The following PPP1R2 variants were observed in gnomAD, a reference collection of about 807,000 sequenced individuals.
PPP1R2 encodes protein phosphatase 1 regulatory inhibitor subunit 2.
PPP1R2 carries 16 observed loss-of-function variants against 29.9 expected under a neutral mutation model. That is an observed-to-expected ratio of 0.53 (90% confidence interval 0.36 to 0.81). The LOEUF (loss-of-function observed/expected upper bound fraction) is 0.81. Among genes scored for constraint, PPP1R2 ranks in the 30% least tolerant of loss-of-function variants. The pLI, the probability that PPP1R2 is intolerant of heterozygous loss-of-function variation, is 0.00. For missense variants in PPP1R2, 197 were observed against 252.7 expected (o/e 0.78, Z 1.49); for synonymous variants, 76 against 91.5 (o/e 0.83, Z 0.96).
chr3:195,518,026 C>A (rs1281794072), intron 5 of PPP1R2, among the ~76,000 whole-genome samples: 1 of 152,066 alleles, frequency 6.6e-6, no homozygotes, highest in Non-Finnish European at 1.5e-5. Flanking sequence ...ATTCTGGGCA[C>A]CACAAATAAC....
intron 1 of PPP1R2, among the ~76,000 whole-genome samples, chr3:195,537,216 T>C (rs1719423245): frequency 7.8e-6 from 1 of 127,528 alleles, no homozygotes; most frequent in Non-Finnish European, 1.7e-5. Flanking sequence ...CTTGTGTTTT[T>C]TTACCTTCTT....
chr3:195,515,036 A>G lies in PPP1R2; in HGVS notation c.*1860T>C. ...AAAAAAAAAAAAAGAGTATGTGGGT[A>G]CTTTCTAAGAACTCAGAAACAAGAA... On this transcript the variant is annotated 3_prime_UTR_variant, in exon 6 of 6. Transcript: ENST00000618156. 3.6e-6 allele frequency: 1 copy of G among 276,400 alleles called. No homozygotes were observed. The highest frequency in any genetic ancestry group is 4.2e-5 in the South Asian group (1 of 23,828). 17.1% of individuals were successfully genotyped at this position (276,400 alleles called of 1,614,324 possible). A position where few individuals can be genotyped will look rare whatever the true frequency, so the allele number is the denominator to read the frequency against.
Position 195,516,068 on chromosome 3 carries a change from AAGG to A in PPP1R2, c.*825_*827del, listed in dbSNP as rs1228228311. The A allele has an allele frequency of 6.6e-6, 1 of 152,320 alleles. No individual in the cohort carries two copies. Among genetic ancestry groups the A allele is most frequent in the Non-Finnish European group, 1.5e-5 (1 of 67,986 alleles). 9.4% of individuals were successfully genotyped at this position (152,320 alleles called of 1,614,324 possible). On this transcript the variant is annotated 3_prime_UTR_variant, in exon 6 of 6. Coordinates refer to ENST00000618156, the MANE Select transcript of PPP1R2 (RefSeq NM_006241.8). ...AGAAGATTGTGTGCGTATGTGTGGA[AAGG>A]AGTAGGAAAGAAAAGCAGGAGGTTA... is the stretch of plus-strand genomic sequence containing the variant.
intron 4 of PPP1R2, among the ~76,000 whole-genome samples, chr3:195,523,387 G>A (rs1718841915): frequency 6.6e-6 from 1 of 152,182 alleles, no homozygotes; most frequent in South Asian, 2.1e-4. Context: ...AACGCTCAAT[G>A]ACTTGAAATG....
intron 4 of PPP1R2, among the ~76,000 whole-genome samples, chr3:195,522,867 T>G (rs969241439): frequency 6.6e-6 from 1 of 152,218 alleles, no homozygotes; most frequent in African/African-American, 2.4e-5. Flanking sequence ...ACACTTCAAG[T>G]AGGTTTCTAC....
intron 5 of PPP1R2, among the ~76,000 whole-genome samples, 168 bp downstream of exon 5, chr3:195,518,850 A>G (rs976068939): frequency 1.3e-5 from 2 of 152,230 alleles, no homozygotes; most frequent in Non-Finnish European, 2.9e-5. Context: ...TAAAAACTTT[A>G]TTATTCTGAA....
intron 4 of PPP1R2, among the ~76,000 whole-genome samples, chr3:195,521,364 A>G (rs900143416): frequency 1.3e-5 from 2 of 149,394 alleles, no homozygotes; most frequent in Non-Finnish European, 3.0e-5. Flanking sequence ...CCCAGTTTAG[A>G]CAATAAAGTA....
intron 5 of PPP1R2, 115 bp from the exon 6 acceptor site, chr3:195,517,057 A>C: frequency 2.5e-6 from 2 of 810,912 alleles, no homozygotes; most frequent in South Asian, 1.6e-5. Context: ...AAAACAAATA[A>C]GGTATATTTC....
At chr3:195,521,928 G>C (rs1219115274) in intron 4 of PPP1R2, among the ~76,000 whole-genome samples, 2 of 152,144 alleles carry the variant, frequency 1.3e-5, no homozygotes, top group East Asian at 3.8e-4. Context: ...TGGGATTACA[G>C]GCATAAGCCA....
rs773676696 is a variant in PPP1R2 at position 195,523,679 on chromosome 3, G to A, written c.403+13C>T. 9.4e-6 allele frequency: 15 copies of A among 1,603,546 alleles called. No individual in the cohort carries two copies. In the East Asian group the frequency reaches 3.1e-4, roughly 33 times the overall value. ...CTAGCACCATGATGAAAGCAGTAAAGGAAATAAACTACCTCGTTCTTCAGG... is the reference window on the plus strand; with the variant it reads ...CTAGCACCATGATGAAAGCAGTAAAAGAAATAAACTACCTCGTTCTTCAGG... On this transcript the variant is annotated intron_variant, in intron 4 of 5. Coordinates refer to ENST00000618156, the MANE Select transcript of PPP1R2 (RefSeq NM_006241.8).
chr3:195,522,125 A>G (rs1331295215), intron 4 of PPP1R2, among the ~76,000 whole-genome samples: 2 of 152,240 alleles, frequency 1.3e-5, no homozygotes, highest in Non-Finnish European at 2.9e-5. Context: ...AAGATCAGTG[A>G]TAAGTGCTTT....
chr3:195,537,473 A>C (rs1719434176), intron 1 of PPP1R2, among the ~76,000 whole-genome samples: 1 of 43,584 alleles, frequency 2.3e-5, no homozygotes, highest in Non-Finnish European at 5.0e-5. Context: ...CATTGCTAGG[A>C]TTAGCTATTG....
intron 5 of PPP1R2, among the ~76,000 whole-genome samples, chr3:195,518,794 G>A (rs1376842499): frequency 6.6e-6 from 1 of 151,800 alleles, no homozygotes; most frequent in African/African-American, 2.4e-5. Flanking sequence ...CCATAAGAAA[G>A]CCATATAATA....
intron 3 of PPP1R2, 144 bp from the exon 4 acceptor site, chr3:195,523,930 G>C (rs1335210408): frequency 2.7e-6 from 2 of 742,040 alleles, no homozygotes; most frequent in Non-Finnish European, 4.5e-6. Flanking sequence ...AAAGGCAAGA[G>C]AGCAGAAACG....
chr3:195,520,605 G>A (rs1253957424), intron 4 of PPP1R2, among the ~76,000 whole-genome samples: 1 of 152,084 alleles, frequency 6.6e-6, no homozygotes, highest in East Asian at 1.9e-4. Context: ...AAGTGAGACC[G>A]TAGCTCAAAA....
chr3:195,519,320 G>A (rs1004202244), intron 4 of PPP1R2, 135 bp from the exon 5 acceptor site: 4 of 676,390 alleles, frequency 5.9e-6, no homozygotes, highest in African/African-American at 3.7e-5. Context: ...TGTGTTCAAT[G>A]GCAGAGTTGA....
chr3:195,523,511 G>A (rs1015292585), intron 4 of PPP1R2, among the ~76,000 whole-genome samples, 181 bp downstream of exon 4: 6 of 152,054 alleles, frequency 3.9e-5, no homozygotes, highest in African/African-American at 1.2e-4. Context: ...TTGAAATCAG[G>A]GGTAAAAAAC....
chr3:195,542,104 T>C (rs1458523793), intron 1 of PPP1R2, among the ~76,000 whole-genome samples: 1 of 152,232 alleles, frequency 6.6e-6, no homozygotes, highest in South Asian at 2.1e-4. Context: ...TCTAACCCAC[T>C]ACAGATACTG....
chr3:195,526,945 G>A (rs1718994309), intron 2 of PPP1R2, among the ~76,000 whole-genome samples: 1 of 151,922 alleles, frequency 6.6e-6, no homozygotes, highest in African/African-American at 2.4e-5. Flanking sequence ...CCACATCTGG[G>A]AATTTTTATG....
Sources: gnomAD v4.1 joint callset for allele counts (sites outside exome capture counted in the v4.1 genomes callset) on GRCh38, gnomAD v4.1.1 for gene constraint, MANE v1.5 for transcripts, NCBI Gene and HGNC (gene_info 2026-07-23, HGNC 2026-07-21) for gene names.